AK9: variants seen among roughly 807,000 people sequenced by gnomAD.
AK9 encodes the protein adenylate kinase domain containing 1.
AK9 carries 191 observed loss-of-function variants against 239.6 expected under a neutral mutation model. The ratio of observed to expected loss-of-function variants is 0.80; its 90% CI spans 0.71 to 0.90. The LOEUF is 0.90. Among genes scored for constraint, AK9 ranks in the 40% least tolerant of loss-of-function variants. The pLI, the probability that AK9 is intolerant of heterozygous loss-of-function variation, is 0.00. For synonymous variants in AK9, 689 were observed against 721.0 expected, an observed-to-expected ratio of 0.96 and a Z score of 0.71; for missense variants, 1,995 against 2,214.7, an observed-to-expected ratio of 0.90 and a Z score of 1.99.
At chr6:109,563,809 T>C in intron 23 of AK9, 97 bp from the exon 24 acceptor site, 1 of 1,338,928 alleles carries the variant, frequency 7.5e-7, no homozygotes, top group Non-Finnish European at 1.0e-6. Flanking sequence ...ATTATTATTA[T>C]TATTAGTCTC....
At chr6:109,581,702 A>C (rs1020376652) in intron 19 of AK9, among the ~76,000 whole-genome samples, 3 of 152,224 alleles carry the variant, frequency 2.0e-5, no homozygotes, top group African/African-American at 7.2e-5. Context: ...GCAAGTGCTG[A>C]TGTAGGAGCT....
chr6:109,625,812 C>A (rs545137046), intron 12 of AK9, among the ~76,000 whole-genome samples: 1 of 152,214 alleles, frequency 6.6e-6, no homozygotes, highest in South Asian at 2.1e-4. Flanking sequence ...TTGTATTTAT[C>A]CTGTTTGGGG....
Position 109,633,009 on chromosome 6 carries a change from G to C in AK9, c.1168C>G (p.Pro390Ala). 6.2e-7 allele frequency: 1 copy of C among 1,605,842 alleles called. No homozygotes were observed. Among genetic ancestry groups the C allele is most frequent in the Non-Finnish European group, 8.5e-7 (1 of 1,177,372 alleles). The part of the protein sequence containing the change: ...RPYLLPPMPG[P>A]PCKVFILGPQ... Reference sequence around the variant, plus strand: ...CCAAGTATGAATACTTTACATGGTGGTCCTGGCATAGGTGGAAGCAGATAG... The same window carrying C: ...CCAAGTATGAATACTTTACATGGTGCTCCTGGCATAGGTGGAAGCAGATAG... The change falls in exon 12 of 41, where the codon CCA becomes GCA. Residue 390 changes from proline to alanine, a missense_variant. Physicochemically the swap from Pro to Ala is conservative, Grantham distance 27 (BLOSUM62 -1). This residue lies in a region of AK9 where 1,290 missense variants were observed against 1,392.7 expected (regional missense o/e 0.93). Transcript: ENST00000424296.
intron 32 of AK9, 54 bp from the exon 33 acceptor site, chr6:109,509,434 CAT>C (rs1480205158): frequency 1.8e-5 from 27 of 1,466,074 alleles, no homozygotes; most frequent in Admixed American, 8.1e-5. Flanking sequence ...TCAGGGGGGA[CAT>C]GTGCAGTTTT....
At chr6:109,669,505 G>C (rs1455430481) in intron 5 of AK9, among the ~76,000 whole-genome samples, 1 of 152,256 alleles carries the variant, frequency 6.6e-6, no homozygotes, top group African/African-American at 2.4e-5. Flanking sequence ...TGCCCATTCA[G>C]TATGATATTG....
intron 29 of AK9, among the ~76,000 whole-genome samples, chr6:109,518,105 T>A (rs1005407676): frequency 2.6e-5 from 4 of 152,062 alleles, no homozygotes; most frequent in African/African-American, 9.7e-5. Flanking sequence ...TCCTAATCTT[T>A]CTAAATGACC....
intron 17 of AK9, among the ~76,000 whole-genome samples, chr6:109,595,927 C>T (rs915125327): frequency 2.0e-5 from 3 of 152,028 alleles, no homozygotes; most frequent in Non-Finnish European, 4.4e-5. Context: ...GTGCAGCAAA[C>T]CACCATGGCA....
chr6:109,545,502 G>A (rs1290268548), intron 26 of AK9, among the ~76,000 whole-genome samples: 1 of 152,230 alleles, frequency 6.6e-6, no homozygotes, highest in Non-Finnish European at 1.5e-5. Context: ...GTTTTATAAC[G>A]GGGAGTTTCC....
chr6:109,564,747 C>T lies in AK9; in HGVS notation c.2434+9G>A, dbSNP rs1786244050. 2 of 1,509,602 alleles carry T rather than the reference C, an allele frequency of 1.3e-6. No homozygotes were observed. The highest frequency in any genetic ancestry group is 1.8e-6 in the Non-Finnish European group (2 of 1,125,188). The allele number at this position is 1,509,602 out of a possible 1,614,324, so 93.5% of individuals were successfully genotyped here. On this transcript the variant is annotated intron_variant, in intron 22 of 40. Coordinates refer to ENST00000424296, the MANE Select transcript of AK9 (RefSeq NM_001145128.3). ...TTATGCAAGAACTACTTTCATTTTA[C>T]AGTCTAACCTGTTTCAGATAATTTT...
intron 12 of AK9, among the ~76,000 whole-genome samples, chr6:109,624,697 C>A (rs187832731): frequency 4.6e-5 from 7 of 152,048 alleles, no homozygotes; most frequent in Admixed American, 2.0e-4. Context: ...GTAGGTCTTT[C>A]TCCATCCATT....
chr6:109,675,927 T>C (rs1033778713), intron 1 of AK9, among the ~76,000 whole-genome samples, 171 bp from the exon 2 acceptor site: 3 of 152,050 alleles, frequency 2.0e-5, no homozygotes, highest in African/African-American at 7.2e-5. Context: ...ATAAAAACAA[T>C]AGTAAGCTCT....
intron 27 of AK9, among the ~76,000 whole-genome samples, chr6:109,534,723 A>G (rs1781745627): frequency 6.6e-6 from 1 of 152,128 alleles, no homozygotes; most frequent in East Asian, 1.9e-4. Flanking sequence ...CGTCATTTAC[A>G]TTAGGTATAT....
intron 17 of AK9, among the ~76,000 whole-genome samples, chr6:109,608,266 G>A (rs1317780114): frequency 2.1e-5 from 3 of 143,944 alleles, no homozygotes; most frequent in South Asian, 2.2e-4. Flanking sequence ...GTGACAGAGC[G>A]AGACTCTGGC....
At chr6:109,655,626 T>C (rs1252960638) in intron 8 of AK9, among the ~76,000 whole-genome samples, 1 of 152,204 alleles carries the variant, frequency 6.6e-6, no homozygotes, top group African/African-American at 2.4e-5. Context: ...TGCCAGACTT[T>C]GGGCGCTGCA....
intron 17 of AK9, among the ~76,000 whole-genome samples, chr6:109,603,399 C>T (rs1007154180): frequency 5.9e-5 from 9 of 152,138 alleles, no homozygotes; most frequent in Admixed American, 1.3e-4. Flanking sequence ...TATTGCTGAA[C>T]GGGAAATGTT....
At chr6:109,562,641 G>A (rs1007666440) in intron 24 of AK9, among the ~76,000 whole-genome samples, 12 of 152,096 alleles carry the variant, frequency 7.9e-5, no homozygotes, top group Admixed American at 4.6e-4. Flanking sequence ...TTTGGCTCTT[G>A]CTTTTTGATG....
At chr6:109,599,362 T>G (rs919536335) in intron 17 of AK9, among the ~76,000 whole-genome samples, 3 of 152,196 alleles carry the variant, frequency 2.0e-5, no homozygotes, top group African/African-American at 7.2e-5. Context: ...TTTTGTCAGG[T>G]TTGTCAAAGA....
intron 24 of AK9, among the ~76,000 whole-genome samples, chr6:109,559,137 C>T (rs934925713): frequency 6.6e-6 from 1 of 151,702 alleles, no homozygotes; most frequent in Admixed American, 6.6e-5. Context: ...CAGACGTGAG[C>T]CACCATACTC....
At chr6:109,610,278 C>T in intron 17 of AK9, 87 bp downstream of exon 17, 1 of 1,434,686 alleles carries the variant, frequency 7.0e-7, no homozygotes, top group South Asian at 1.3e-5. Context: ...CATCATAAGA[C>T]TCTAAAATAA....
Sources: allele counts gnomAD v4.1 joint callset (sites outside exome capture counted in the v4.1 genomes callset), GRCh38; gene constraint gnomAD v4.1.1; regional missense constraint gnomAD v4.1.1; transcripts MANE v1.5; gene names NCBI Gene and HGNC (gene_info 2026-07-23, HGNC 2026-07-21).